ST3GAL1: variants seen among roughly 807,000 people sequenced by gnomAD.
ST3GAL1 encodes the protein ST3 beta-galactoside alpha-2,3-sialyltransferase 1.
ST3GAL1 carries 16 observed loss-of-function variants against 34.1 expected under a neutral mutation model. The ratio of observed to expected loss-of-function variants is 0.47; its 90% CI spans 0.32 to 0.71. ST3GAL1 has a LOEUF of 0.71. Among genes scored for constraint, ST3GAL1 ranks in the 30% least tolerant of loss-of-function variants. The pLI, the probability that ST3GAL1 is intolerant of heterozygous loss-of-function variation, is 0.04. For missense variants in ST3GAL1, 353 were observed against 447.4 expected, an observed-to-expected ratio of 0.79 and a Z score of 1.90; for synonymous variants, 191 against 184.7, an observed-to-expected ratio of 1.03 and a Z score of -0.28.
intron 1 of ST3GAL1, among the ~76,000 whole-genome samples, chr8:133,551,464 A>AAGAG (rs371940007): frequency 1.0e-4 from 15 of 150,588 alleles, no homozygotes; most frequent in African/African-American, 3.4e-4. Flanking sequence ...GAGGAAAAGA[A>AAGAG]AGAGAGAGAG....
chr8:133,509,962 G>A (rs1179379112), intron 2 of ST3GAL1, among the ~76,000 whole-genome samples: 2 of 151,688 alleles, frequency 1.3e-5, no homozygotes, highest in Non-Finnish European at 2.9e-5. Context: ...GGGTGGCTGA[G>A]GCAGGAGAAT....
In ST3GAL1 at chr8:133,476,007, C is replaced by T; in HGVS notation, c.18G>A (p.Lys6=). The T allele has an allele frequency of 6.3e-7, 1 of 1,597,710 alleles. No homozygotes were observed. The highest frequency in any genetic ancestry group is 1.1e-5 in the South Asian group (1 of 88,222). Residue 6 remains lysine, a synonymous_variant, in exon 5 of 10, where the codon AAG becomes AAA. Transcript: ENST00000522652. The part of the protein sequence containing the change: MVTLR[K]RTLKVLTFLV... Reference sequence around the variant, plus strand: ...GGAAGGTGAGCACTTTCAGGGTCCTCTTCCGCAGGGTCACCATCTTCGCAG... The same window carrying T: ...GGAAGGTGAGCACTTTCAGGGTCCTTTTCCGCAGGGTCACCATCTTCGCAG...
chr8:133,555,982 C>T (rs367968149), intron 1 of ST3GAL1, among the ~76,000 whole-genome samples: 63 of 152,320 alleles, frequency 4.1e-4, no homozygotes, highest in African/African-American at 1.5e-3. Flanking sequence ...CAACCTCCGC[C>T]TCCCAAGTTC....
chr8:133,506,471 T>C (rs1262422240), intron 2 of ST3GAL1, among the ~76,000 whole-genome samples: 4 of 152,142 alleles, frequency 2.6e-5, no homozygotes, highest in East Asian at 3.8e-4. Context: ...CCTTGAAAGA[T>C]AGGATTGGTT....
At chr8:133,526,596 T>G (rs757402524) in intron 2 of ST3GAL1, among the ~76,000 whole-genome samples, 7 of 152,064 alleles carry the variant, frequency 4.6e-5, no homozygotes, top group Non-Finnish European at 1.0e-4. Context: ...AAAGAAAATT[T>G]TGAGACTTTT....
At chr8:133,530,686 G>A (rs1216529252) in intron 2 of ST3GAL1, among the ~76,000 whole-genome samples, 1 of 152,162 alleles carries the variant, frequency 6.6e-6, no homozygotes, top group Admixed American at 6.5e-5. Flanking sequence ...AAGGCTAAGG[G>A]AATGCACATG....
At chr8:133,517,566 T>C (rs192737945) in intron 2 of ST3GAL1, among the ~76,000 whole-genome samples, 145 of 152,310 alleles carry the variant, frequency 9.5e-4, no homozygotes, top group African/African-American at 3.4e-3. Context: ...GTCAGGCTGG[T>C]CTTGAACTCC....
At chr8:133,483,461 C>T (rs574771617) in intron 3 of ST3GAL1, among the ~76,000 whole-genome samples, 1 of 152,278 alleles carries the variant, frequency 6.6e-6, no homozygotes, top group East Asian at 1.9e-4. Context: ...TCAATTCTGT[C>T]TCTCCCCACT....
chr8:133,567,517 G>A (rs1333079361), intron 1 of ST3GAL1, among the ~76,000 whole-genome samples: 2 of 152,180 alleles, frequency 1.3e-5, no homozygotes, highest in African/African-American at 4.8e-5. Context: ...TCAGCTTGTG[G>A]ATGGGAAGCA....
intron 1 of ST3GAL1, among the ~76,000 whole-genome samples, chr8:133,560,598 G>A (rs974807325): frequency 2.0e-5 from 3 of 152,222 alleles, no homozygotes; most frequent in Non-Finnish European, 2.9e-5. Flanking sequence ...GGCCCAGGTG[G>A]TCACAGCACG....
At chr8:133,489,710 C>T (rs945538811) in intron 3 of ST3GAL1, 9 of 152,260 alleles carry the variant, frequency 5.9e-5, no homozygotes, top group African/African-American at 2.2e-4. Context: ...CAGTCCCTCC[C>T]ATAGAAATGT....
chr8:133,534,953 G>T (rs79585984), intron 2 of ST3GAL1, among the ~76,000 whole-genome samples: 5 of 152,284 alleles, frequency 3.3e-5, no homozygotes, highest in African/African-American at 4.8e-5. Context: ...GTGCAGCAGG[G>T]GAAAAGGAAA....
At chr8:133,482,465 T>A (rs1363007526) in intron 3 of ST3GAL1, among the ~76,000 whole-genome samples, 1 of 152,170 alleles carries the variant, frequency 6.6e-6, no homozygotes, top group Non-Finnish European at 1.5e-5. Flanking sequence ...GCACAGATGG[T>A]GGGAGGAAGA....
At chr8:133,563,735 T>C (rs1187939896) in intron 1 of ST3GAL1, among the ~76,000 whole-genome samples, 1 of 152,198 alleles carries the variant, frequency 6.6e-6, no homozygotes, top group Non-Finnish European at 1.5e-5. Context: ...TTGCTCATTA[T>C]AATAGTAAAA....
intron 1 of ST3GAL1, among the ~76,000 whole-genome samples, chr8:133,553,568 G>T (rs1306173253): frequency 6.6e-6 from 1 of 152,218 alleles, no homozygotes; most frequent in African/African-American, 2.4e-5. Context: ...CTCTTTTGGT[G>T]ATGGGGATAA....
chr8:133,567,928 T>TC (rs927571534), intron 1 of ST3GAL1, among the ~76,000 whole-genome samples: 1 of 149,074 alleles, frequency 6.7e-6, no homozygotes, highest in Non-Finnish European at 1.5e-5. Context: ...TGCTCTCTTT[T>TC]TTTTTTTTTT....
chr8:133,564,580 C>T (rs903931498), intron 1 of ST3GAL1, among the ~76,000 whole-genome samples: 6 of 141,584 alleles, frequency 4.2e-5, no homozygotes, highest in East Asian at 2.3e-4. Flanking sequence ...AAACAAACAT[C>T]GTCAGAATAA....
At chr8:133,554,539 G>A (rs1297067942) in intron 1 of ST3GAL1, among the ~76,000 whole-genome samples, 1 of 152,044 alleles carries the variant, frequency 6.6e-6, no homozygotes, top group Non-Finnish European at 1.5e-5. Context: ...GGCTAGGATT[G>A]CGCTGACTGC....
chr8:133,486,944 TCTTA>T (rs1403542322), intron 3 of ST3GAL1, among the ~76,000 whole-genome samples: 1 of 152,226 alleles, frequency 6.6e-6, no homozygotes, highest in Non-Finnish European at 1.5e-5. Context: ...AGAGTCACTT[TCTTA>T]CTTCTTTTTT....
Sources: gnomAD v4.1 joint callset for allele counts (sites outside exome capture counted in the v4.1 genomes callset) on GRCh38, gnomAD v4.1.1 for gene constraint, MANE v1.5 for transcripts, NCBI Gene and HGNC (gene_info 2026-07-23, HGNC 2026-07-21) for gene names.